ANLN: variants seen among roughly 807,000 people sequenced by gnomAD.
ANLN encodes anillin.
In ANLN, 59 loss-of-function variants were observed where a neutral mutation model predicts 135.1. The ratio of observed to expected loss-of-function variants is 0.44; its 90% CI spans 0.35 to 0.54. ANLN has a LOEUF of 0.54. Ranked by LOEUF, ANLN falls within the 20% of genes least tolerant of loss-of-function variation. ANLN has a pLI of 0.00. For missense variants in ANLN, 1,182 were observed against 1,340.0 expected, an observed-to-expected ratio of 0.88 and a Z score of 1.84; for synonymous variants, 406 against 456.4, an observed-to-expected ratio of 0.89 and a Z score of 1.41.
At position 36,390,041 on chromosome 7, in the gene ANLN, G is replaced by A. The variant is rs772106268; in HGVS notation, c.15G>A (p.Thr5=). The change falls in exon 1 of 24, where the codon ACG becomes ACA. Residue 5 remains threonine (T), a synonymous_variant. Transcript: ENST00000265748. MDPF[T]EKLLERTRAR... The stretch of plus-strand genomic sequence containing the variant: ...CGCCTGGGGCGATGGATCCGTTTAC[G>A]GAGGTGAGTGAGTTTGCGGGTGCAG... The A allele has an allele frequency of 1.3e-5, 21 of 1,613,840 alleles. No homozygotes were observed. The Admixed American group carries it at 3.3e-4, about 26-fold the overall frequency.
Position 36,438,026 on chromosome 7 carries a change from T to G in ANLN, c.2884-1178T>G, listed in dbSNP as rs1788617287. ...CTGATCTTGAACTCCTAACCTCAGG[T>G]GATTCACCCGCCTCAGCCTCCCAAA... On this transcript the variant is annotated intron_variant, in intron 20 of 23. Coordinates refer to ENST00000265748, the MANE Select transcript of ANLN (RefSeq NM_018685.5). Among the ~76,000 whole-genome samples the G allele has an allele frequency of 3.9e-5, 6 of 152,324 alleles. No homozygotes were observed. In the South Asian group the frequency reaches 1.0e-3, roughly 26 times the overall value.
At chr7:36,431,179 A>T (rs1788294840) in intron 20 of ANLN, among the ~76,000 whole-genome samples, 1 of 152,166 alleles carries the variant, frequency 6.6e-6, no homozygotes, top group Non-Finnish European at 1.5e-5. Flanking sequence ...AGGAAAAGCA[A>T]AAAGGGAATT....
In ANLN at chr7:36,441,556, G is replaced by A. The variant is rs114782758; in HGVS notation, c.2971-2199G>A. Among the ~76,000 whole-genome samples the A allele has an allele frequency of 4.9e-3, 740 of 152,280 alleles. 5 individuals are homozygous for A. Among genetic ancestry groups the A allele is most frequent in the African/African-American group, 0.017 (722 of 41,556 alleles). ...AGGTAAGTGGTTCTGACAGGGTGCC[G>A]GGCTAGCTCTGCCTCCACTGAGGAG... On this transcript the variant is annotated intron_variant, in intron 21 of 23. Transcript: ENST00000265748.
chr7:36,411,107 A>G lies in ANLN; in HGVS notation c.1336A>G (p.Asn446Asp). The G allele has an allele frequency of 6.2e-7, 1 of 1,612,352 alleles. No individual in the cohort carries two copies. The highest frequency in any genetic ancestry group is 1.7e-5 in the Admixed American group (1 of 59,386). Reference protein sequence around the residue: ...ACLRGRFDKGNIWSAEKGGNS... With the variant: ...ACLRGRFDKGDIWSAEKGGNS... ...TCTTCGTGGCCGATTTGACAAGGGC[A>G]ATATATGGAGTGCAGAAAAAGGCGG... The change falls in exon 7 of 24, where the codon AAT (asparagine) becomes GAT (aspartate). Residue 446 changes from asparagine to aspartate, a missense_variant. Physicochemically the swap from Asn to Asp is conservative, Grantham distance 23. Around this residue, in one of 3 missense-constraint regions of ANLN, gnomAD observed 1,022 missense variants for 1,134.0 expected, o/e 0.90. Coordinates refer to ENST00000265748, the MANE Select transcript of ANLN (RefSeq NM_018685.5).
At chr7:36,447,787 G>A (rs987076121) in intron 22 of ANLN, among the ~76,000 whole-genome samples, 1 of 152,100 alleles carries the variant, frequency 6.6e-6, no homozygotes, top group East Asian at 1.9e-4. Context: ...TGCTTAGAAT[G>A]GCATGCAGTT....
intron 23 of ANLN, among the ~76,000 whole-genome samples, chr7:36,450,911 C>G (rs889558436): frequency 6.6e-6 from 1 of 152,188 alleles, no homozygotes; most frequent in Admixed American, 6.5e-5. Context: ...TGCGTAAACT[C>G]TCTTAGACTT....
Position 36,407,944 on chromosome 7 carries a change from T to C in ANLN, c.1084T>C (p.Ser362Pro), listed in dbSNP as rs200862770. 5.1e-5 allele frequency: 82 copies of C among 1,612,654 alleles called. 1 individual carries two copies. The East Asian group carries it at 1.8e-3, about 36-fold the overall frequency. The change falls in exon 5 of 24, where the codon TCT (serine) becomes CCT (proline). Residue 362 changes from serine (S) to proline (P), a missense_variant. By Grantham distance (74) the Ser-to-Pro change is moderately conservative. This residue lies in a region of ANLN where 1,022 missense variants were observed against 1,134.0 expected (regional missense o/e 0.90). Transcript: ENST00000265748. The part of the protein sequence containing the change: ...ICLQSQSKDK[S>P]TTPGGTGIKP... ...TCTGCAATCTCAATCTAAAGACAAA[T>C]CTACGACACCAGGTTACGTATTTAT...
intron 21 of ANLN, among the ~76,000 whole-genome samples, chr7:36,441,680 A>G (rs969246230): frequency 6.6e-6 from 1 of 152,222 alleles, no homozygotes; most frequent in Admixed American, 6.5e-5. Context: ...TTCCTCAGCT[A>G]TAGAAATGAA....
At chr7:36,409,385 C>A (rs1787318676) in intron 5 of ANLN, among the ~76,000 whole-genome samples, 1 of 151,992 alleles carries the variant, frequency 6.6e-6, no homozygotes, top group Non-Finnish European at 1.5e-5. Flanking sequence ...TTTATTGGAG[C>A]ACAGCCACAC....
At chr7:36,433,292 G>T (rs1788402503) in intron 20 of ANLN, among the ~76,000 whole-genome samples, 2 of 152,006 alleles carry the variant, frequency 1.3e-5, no homozygotes, top group Non-Finnish European at 2.9e-5. Context: ...GAAATCTCTA[G>T]GTTTTGTTTG....
intron 21 of ANLN, among the ~76,000 whole-genome samples, chr7:36,443,203 A>G (rs1293142389): frequency 2.0e-5 from 3 of 152,154 alleles, no homozygotes; most frequent in East Asian, 1.9e-4. Context: ...CACCACTTCA[A>G]GCGTGTCTCA....
chr7:36,414,742 T>C (rs759995407), intron 7 of ANLN, among the ~76,000 whole-genome samples: 2 of 152,242 alleles, frequency 1.3e-5, no homozygotes, highest in Non-Finnish European at 2.9e-5. Flanking sequence ...CTCATCTGCA[T>C]GCTAATTACA....
At chr7:36,420,823 C>A in intron 12 of ANLN, 79 bp downstream of exon 12, 2 of 1,479,344 alleles carry the variant, frequency 1.4e-6, no homozygotes, top group Non-Finnish European at 1.9e-6. Flanking sequence ...AGGGCCCAGC[C>A]TTACTTATCT....
chr7:36,418,165 G>C (rs1340087636), intron 9 of ANLN, among the ~76,000 whole-genome samples: 1 of 152,168 alleles, frequency 6.6e-6, no homozygotes, highest in Admixed American at 6.5e-5. Flanking sequence ...CCACCCTCCA[G>C]GAACCTCCAC....
rs761598930 is a variant in ANLN at position 36,443,709 on chromosome 7, A to G, written c.2971-46A>G. The G allele has an allele frequency of 1.4e-5, 19 of 1,313,972 alleles. No individual in the cohort carries two copies. In the East Asian group the frequency reaches 4.3e-4, roughly 30 times the overall value. 81.4% of individuals were successfully genotyped at this position (1,313,972 alleles called of 1,614,324 possible). A position where few individuals can be genotyped will look rare whatever the true frequency, so the allele number is the denominator to read the frequency against. On this transcript the variant is annotated intron_variant, in intron 21 of 23. Coordinates refer to ENST00000265748, the MANE Select transcript of ANLN (RefSeq NM_018685.5). ...AGAATCAGCATTTCATTGTTAGGAC[A>G]TTTTCCTCAACTTTCTAAAGCCAGC... is the stretch of plus-strand genomic sequence containing the variant.
chr7:36,419,580 C>G (rs1418586901), intron 10 of ANLN, 101 bp downstream of exon 10: 3 of 987,958 alleles, frequency 3.0e-6, no homozygotes. Context: ...GGCTCAGTAG[C>G]CAAGGGAATT....
Position 36,426,022 on chromosome 7 carries a change from A to G in ANLN, c.2756A>G (p.Asn919Ser). The change falls in exon 19 of 24, where the codon AAC (asparagine) becomes AGC (serine). Residue 919 changes from asparagine (N) to serine (S), a missense_variant. By Grantham distance (46) the Asn-to-Ser change is conservative. This residue lies in a region of ANLN where 1,022 missense variants were observed against 1,134.0 expected (regional missense o/e 0.90). Coordinates refer to ENST00000265748, the MANE Select transcript of ANLN (RefSeq NM_018685.5). ...CTTTTTTTTTTTTTTTAGAAAAGCA[A>G]CATTCATTCTTCAGGTGAGTGTATC... ...RLLTSITTKS[N>S]IHSSVMASPG... 1.3e-6 allele frequency: 2 copies of G among 1,516,984 alleles called. No homozygotes were observed. The highest frequency in any genetic ancestry group is 2.3e-5 in the Admixed American group (1 of 43,176). The allele number at this position is 1,516,984 out of a possible 1,614,324, so 94.0% of individuals were successfully genotyped here.
intron 1 of ANLN, among the ~76,000 whole-genome samples, chr7:36,394,492 AATTTGTTG>A (rs1174927177): frequency 6.6e-6 from 1 of 152,096 alleles, no homozygotes; most frequent in Admixed American, 6.6e-5. Context: ...CTTATTCTTG[AATTTGTTG>A]AAGGACTTTT....
In ANLN at chr7:36,423,941, T is replaced by C. The variant is rs1321404829; in HGVS notation, c.2601T>C (p.Thr867=). The change falls in exon 15 of 24, where the codon ACT becomes ACC. Residue 867 remains threonine, a splice_region_variant and synonymous_variant. Coordinates refer to ENST00000265748, the MANE Select transcript of ANLN (RefSeq NM_018685.5). Reference sequence around the variant, plus strand: ...CTCTGACATTCACTACTACATTTACTCTGTAAGTAAATCAGGCTTTTGATG... The same window carrying C: ...CTCTGACATTCACTACTACATTTACCCTGTAAGTAAATCAGGCTTTTGATG... ...GDALTFTTTF[T]LQDVSNDFEI... The C allele has an allele frequency of 2.5e-6, 4 of 1,606,982 alleles. No homozygotes were observed. Among genetic ancestry groups the C allele is most frequent in the Non-Finnish European group, 3.4e-6 (4 of 1,176,940 alleles).
Sources: allele counts gnomAD v4.1 joint callset (sites outside exome capture counted in the v4.1 genomes callset), GRCh38; gene constraint gnomAD v4.1.1; regional missense constraint gnomAD v4.1.1; transcripts MANE v1.5; gene names NCBI Gene and HGNC (gene_info 2026-07-23, HGNC 2026-07-21).